The following FANK1 variants were observed in gnomAD, a reference collection of about 807,000 sequenced individuals.
FANK1 encodes the protein fibronectin type III and ankyrin repeat domains 1.
FANK1 carries 44 observed loss-of-function variants against 45.3 expected under a neutral mutation model. That is an observed-to-expected ratio of 0.97 (90% CI 0.76 to 1.25). The LOEUF (loss-of-function observed/expected upper bound fraction) is 1.25. Among genes scored for constraint, FANK1 ranks in the 50% most tolerant of loss-of-function variants. The probability of loss-of-function intolerance (pLI) is 0.00; values close to 1 mark genes in which losing one functional copy is unlikely to be tolerated. For missense variants in FANK1, 391 were observed against 424.4 expected, an observed-to-expected ratio of 0.92 and a Z score of 0.69; for synonymous variants, 149 against 152.5, an observed-to-expected ratio of 0.98 and a Z score of 0.17.
intron 1 of FANK1, among the ~76,000 whole-genome samples, chr10:125,916,774 C>T (rs966145532): frequency 3.9e-5 from 6 of 152,098 alleles, no homozygotes; most frequent in African/African-American, 1.4e-4. Context: ...TCCAAAATAG[C>T]CACCTTAGCA....
chr10:125,952,263 G>A (rs1009734480), intron 1 of FANK1, among the ~76,000 whole-genome samples: 1 of 151,990 alleles, frequency 6.6e-6, no homozygotes, highest in Non-Finnish European at 1.5e-5. Context: ...TTCTTGACAG[G>A]TGAAAACTTT....
chr10:125,918,556 CAAAAAAAAAAAAAAAA>C (rs1156446362), intron 1 of FANK1, among the ~76,000 whole-genome samples: 1 of 7,106 alleles, frequency 1.4e-4, no homozygotes, highest in Non-Finnish European at 3.0e-4. Context: ...GCCTCTGTCT[CAAAAAAAAAAAAAAAA>C]AAAAAAAAAA....
chr10:125,935,712 T>C (rs1286269346), intron 1 of FANK1, among the ~76,000 whole-genome samples: 1 of 152,212 alleles, frequency 6.6e-6, no homozygotes, highest in Non-Finnish European at 1.5e-5. Flanking sequence ...TAACTAATTG[T>C]CCAATATATT....
At chr10:125,965,205 A>G (rs960797736) in intron 1 of FANK1, among the ~76,000 whole-genome samples, 2 of 152,214 alleles carry the variant, frequency 1.3e-5, no homozygotes, top group African/African-American at 2.4e-5. Flanking sequence ...GCAAAATGTC[A>G]TCATTGTAAT....
intron 7 of FANK1, 61 bp from the exon 8 acceptor site, chr10:126,008,346 G>A: frequency 1.3e-6 from 2 of 1,514,618 alleles, no homozygotes; most frequent in South Asian, 2.7e-5. Context: ...CCTTTTATAA[G>A]TTTGAATCAT....
chr10:125,984,835 TTCCTC>T (rs1422459827), intron 2 of FANK1, among the ~76,000 whole-genome samples: 1 of 152,262 alleles, frequency 6.6e-6, no homozygotes, highest in Non-Finnish European at 1.5e-5. Context: ...TTTGTAGACT[TTCCTC>T]TACTGTGGAA....
At chr10:125,934,891 G>A (rs1246928626) in intron 1 of FANK1, among the ~76,000 whole-genome samples, 3 of 151,966 alleles carry the variant, frequency 2.0e-5, no homozygotes, top group Non-Finnish European at 4.4e-5. Flanking sequence ...GCTGCTGCTC[G>A]GGAGCAGCTG....
intron 1 of FANK1, among the ~76,000 whole-genome samples, chr10:125,931,478 C>CATTTTTTCA (rs2134142132): frequency 6.6e-6 from 1 of 152,294 alleles, no homozygotes; most frequent in East Asian, 1.9e-4. Flanking sequence ...TGATGTTGGG[C>CATTTTTTCA]ATTTTTTCAT....
chr10:125,913,766 G>C (rs145324077), intron 1 of FANK1, among the ~76,000 whole-genome samples: 3 of 152,170 alleles, frequency 2.0e-5, no homozygotes, highest in African/African-American at 7.2e-5. Context: ...ACCTGTATCA[G>C]GGGAGGCTGA....
intron 1 of FANK1, among the ~76,000 whole-genome samples, chr10:125,963,997 T>C (rs1466712763): frequency 1.3e-5 from 2 of 152,096 alleles, no homozygotes; most frequent in African/African-American, 4.8e-5. Context: ...TATATCCATG[T>C]ATGCAGTACT....
chr10:125,916,399 GA>G (rs1168772576), intron 1 of FANK1, among the ~76,000 whole-genome samples: 10 of 151,924 alleles, frequency 6.6e-5, no homozygotes, highest in Non-Finnish European at 1.5e-4. Flanking sequence ...ATAGGTTTAT[GA>G]AGAAGGCATT....
At chr10:125,910,229 C>A (rs1945879586) in intron 1 of FANK1, among the ~76,000 whole-genome samples, 1 of 152,162 alleles carries the variant, frequency 6.6e-6, no homozygotes, top group Non-Finnish European at 1.5e-5. Context: ...ATACATACTT[C>A]TAATTTTTAA....
intron 3 of FANK1, among the ~76,000 whole-genome samples, chr10:125,991,203 A>G (rs1397609131): frequency 6.6e-6 from 1 of 150,538 alleles, no homozygotes; most frequent in Non-Finnish European, 1.5e-5. Flanking sequence ...TTCCATGAGT[A>G]ATTAGATGAG....
chr10:125,975,199 A>T (rs1345722169), intron 1 of FANK1, among the ~76,000 whole-genome samples: 1 of 152,214 alleles, frequency 6.6e-6, no homozygotes, highest in Non-Finnish European at 1.5e-5. Context: ...TGGCTGCATA[A>T]TATTTCATAG....
At chr10:125,970,314 C>G (rs534416639) in intron 1 of FANK1, among the ~76,000 whole-genome samples, 2 of 151,666 alleles carry the variant, frequency 1.3e-5, no homozygotes, top group Non-Finnish European at 2.9e-5. Context: ...GACGGGGCGG[C>G]GGCCGGGCGG....
rs371823314 is a variant in FANK1 at position 125,988,562 on chromosome 10, C to T, written c.203C>T (p.Thr68Met). ...CTCCTCCTGTCTAGGGGATATGCAA[C>T]GAAGCATGTTGTTGAAGGTCTGGAA... ...TYGIIYTGYATKHVVEGLEPR... is the reference protein window; with the variant it reads ...TYGIIYTGYAMKHVVEGLEPR... The change falls in exon 3 of 11, where the codon ACG becomes ATG. Residue 68 changes from threonine (T) to methionine (M), a missense_variant. By Grantham distance (81) the Thr-to-Met change is moderately conservative. Coordinates refer to ENST00000368693, the MANE Select transcript of FANK1 (RefSeq NM_145235.5). The T allele has an allele frequency of 3.5e-5, 56 of 1,613,998 alleles. No individual in the cohort carries two copies. The highest frequency in any genetic ancestry group is 3.3e-5 in the Admixed American group (2 of 60,006).
chr10:125,933,176 C>T (rs549810837), intron 1 of FANK1, among the ~76,000 whole-genome samples: 2 of 152,104 alleles, frequency 1.3e-5, no homozygotes, highest in African/African-American at 4.8e-5. Flanking sequence ...CTGGTTATGT[C>T]GTTTCCTGAT....
intron 1 of FANK1, among the ~76,000 whole-genome samples, chr10:125,975,115 C>A (rs1305060100): frequency 6.6e-6 from 1 of 152,170 alleles, no homozygotes; most frequent in East Asian, 1.9e-4. Flanking sequence ...TGTGTTCCTG[C>A]ATTAGATTGC....
intron 1 of FANK1, among the ~76,000 whole-genome samples, chr10:125,962,469 A>G (rs1949983535): frequency 6.6e-6 from 1 of 152,022 alleles, no homozygotes; most frequent in Admixed American, 6.6e-5. Flanking sequence ...ACTGCTTGAT[A>G]TTGTCCTTTA....
Sources: allele counts gnomAD v4.1 joint callset (sites outside exome capture counted in the v4.1 genomes callset), GRCh38; gene constraint gnomAD v4.1.1; transcripts MANE v1.5; gene names NCBI Gene and HGNC (gene_info 2026-07-23, HGNC 2026-07-21).